The following ZNF804A variants were observed in gnomAD, a reference collection of about 807,000 sequenced individuals.
ZNF804A encodes the protein zinc finger protein 804A.
Under a neutral mutation model 16.5 loss-of-function variants are expected in ZNF804A, and 2 were observed. The ratio of observed to expected loss-of-function variants is 0.12; its 90% CI spans 0.05 to 0.38. The LOEUF is 0.38. Ranked by LOEUF, ZNF804A falls within the 10% of genes least tolerant of loss-of-function variation. The pLI, the probability that ZNF804A is intolerant of heterozygous loss-of-function variation, is 0.99. For missense variants in ZNF804A, 1,473 were observed against 1,390.7 expected, an observed-to-expected ratio of 1.06 and a Z score of -0.94; for synonymous variants, 534 against 489.6, an observed-to-expected ratio of 1.09 and a Z score of -1.20.
chr2:184,741,342 C>G (rs955146127), intron 1 of ZNF804A, among the ~76,000 whole-genome samples: 1 of 152,166 alleles, frequency 6.6e-6, no homozygotes, highest in African/African-American at 2.4e-5. Flanking sequence ...ACTTTCCTGG[C>G]AATGATGTGT....
chr2:184,858,864 T>A (rs1217525392), intron 1 of ZNF804A, among the ~76,000 whole-genome samples: 1 of 152,288 alleles, frequency 6.6e-6, no homozygotes, highest in East Asian at 1.9e-4. Flanking sequence ...AGTTAACCCC[T>A]CAGCTTTTGT....
intron 1 of ZNF804A, among the ~76,000 whole-genome samples, chr2:184,611,203 T>C (rs912167079): frequency 6.6e-6 from 1 of 152,150 alleles, no homozygotes; most frequent in Admixed American, 6.5e-5. Flanking sequence ...GGTGGAGTTC[T>C]CATGACCTAA....
At chr2:184,636,446 TGTGTGTGA>T (rs1331029640) in intron 1 of ZNF804A, among the ~76,000 whole-genome samples, 2 of 137,832 alleles carry the variant, frequency 1.5e-5, no homozygotes, top group African/African-American at 5.3e-5. Flanking sequence ...TGTGTGTGTG[TGTGTGTGA>T]GAGAGAGAGA....
At position 184,912,278 on chromosome 2, in the gene ZNF804A, T is replaced by A. The variant is rs143411434; in HGVS notation, c.256-21325T>A. The stretch of plus-strand genomic sequence containing the variant: ...CCTTTTGTGTCTGGCTTATTTCCCA[T>A]ACAATACAATTTTTTTGTGGTGTAT... On this transcript the variant is annotated intron_variant, in intron 2 of 3. Coordinates refer to ENST00000302277, the MANE Select transcript of ZNF804A (RefSeq NM_194250.2). Among the ~76,000 whole-genome samples, 245 of 152,190 alleles carry A rather than the reference T, an allele frequency of 1.6e-3. 2 individuals are homozygous for A. In the East Asian group the frequency reaches 0.023, roughly 14 times the overall value.
chr2:184,708,326 G>C (rs1200010999), intron 1 of ZNF804A, among the ~76,000 whole-genome samples: 3 of 151,944 alleles, frequency 2.0e-5, no homozygotes, highest in Non-Finnish European at 2.9e-5. Flanking sequence ...CAAAAAAAGA[G>C]CCTGAATAGC....
Position 184,936,785 on chromosome 2 carries a change from C to T in ZNF804A, c.1389C>T (p.Asp463=). Residue 463 remains aspartate, a synonymous_variant, in exon 4 of 4, where the codon GAC becomes GAT. Coordinates refer to ENST00000302277, the MANE Select transcript of ZNF804A (RefSeq NM_194250.2). The stretch of plus-strand genomic sequence containing the variant: ...ATAGCTGTAATCCTCTATGTTTTGA[C>T]TTCAAGTCTACTAAAGTAAATAATA... ...ISYSCNPLCF[D]FKSTKVNNNL... 6.2e-7 allele frequency: 1 copy of T among 1,613,722 alleles called. No homozygotes were observed. Among genetic ancestry groups the T allele is most frequent in the East Asian group, 2.2e-5 (1 of 44,852 alleles).
chr2:184,790,597 A>AT (rs1465643250), intron 1 of ZNF804A, among the ~76,000 whole-genome samples: 8 of 151,482 alleles, frequency 5.3e-5, no homozygotes, highest in Non-Finnish European at 1.2e-4. Context: ...CTTATTATTT[A>AT]TTTTTTATTT....
chr2:184,737,008 G>T (rs1171761983), intron 1 of ZNF804A, among the ~76,000 whole-genome samples: 2 of 149,786 alleles, frequency 1.3e-5, no homozygotes, highest in Non-Finnish European at 3.0e-5. Context: ...TGTAGATGTT[G>T]TTACTTATAT....
intron 1 of ZNF804A, among the ~76,000 whole-genome samples, chr2:184,768,155 A>G (rs1273785793): frequency 6.6e-6 from 1 of 152,106 alleles, no homozygotes; most frequent in Non-Finnish European, 1.5e-5. Context: ...CAATACAGGA[A>G]AACAACTATT....
At chr2:184,687,050 C>T (rs1692648019) in intron 1 of ZNF804A, among the ~76,000 whole-genome samples, 1 of 152,048 alleles carries the variant, frequency 6.6e-6, no homozygotes, top group African/African-American at 2.4e-5. Context: ...TAAATTTTTG[C>T]TTTTGTTGCG....
chr2:184,929,897 G>A (rs1282394597), intron 2 of ZNF804A, among the ~76,000 whole-genome samples: 1 of 152,020 alleles, frequency 6.6e-6, no homozygotes, highest in Non-Finnish European at 1.5e-5. Context: ...GCTGTATTTA[G>A]GATTTTCTTG....
intron 1 of ZNF804A, among the ~76,000 whole-genome samples, chr2:184,712,918 C>T (rs922798571): frequency 6.6e-6 from 1 of 151,676 alleles, no homozygotes. Flanking sequence ...TCATTTTTTT[C>T]TTATCTTATA....
At chr2:184,753,261 G>A (rs1559141941) in intron 1 of ZNF804A, among the ~76,000 whole-genome samples, 1 of 151,582 alleles carries the variant, frequency 6.6e-6, no homozygotes, top group Non-Finnish European at 1.5e-5. Context: ...AAATGAGGCT[G>A]GGGGGCGTTG....
chr2:184,678,277 A>C (rs942777051), intron 1 of ZNF804A, among the ~76,000 whole-genome samples: 2 of 152,064 alleles, frequency 1.3e-5, no homozygotes, highest in Non-Finnish European at 2.9e-5. Context: ...TAATCATGTG[A>C]GTGATTTTTT....
chr2:184,767,104 T>C (rs1420584019), intron 1 of ZNF804A, among the ~76,000 whole-genome samples: 5 of 152,166 alleles, frequency 3.3e-5, no homozygotes, highest in Admixed American at 3.3e-4. Flanking sequence ...TGATCTTGGA[T>C]TTCCGGCCTC....
At chr2:184,813,295 A>G (rs1412844039) in intron 1 of ZNF804A, among the ~76,000 whole-genome samples, 2 of 152,192 alleles carry the variant, frequency 1.3e-5, no homozygotes, top group Non-Finnish European at 2.9e-5. Flanking sequence ...TATTTGAGGA[A>G]GTAATATACG....
intron 1 of ZNF804A, among the ~76,000 whole-genome samples, chr2:184,676,098 G>T (rs1401623736): frequency 6.6e-6 from 1 of 151,624 alleles, no homozygotes; most frequent in Non-Finnish European, 1.5e-5. Flanking sequence ...GTTGGCCATA[G>T]CCATTATAAT....
chr2:184,783,245 G>A (rs1165262340), intron 1 of ZNF804A, among the ~76,000 whole-genome samples: 4 of 146,274 alleles, frequency 2.7e-5, no homozygotes, highest in African/African-American at 7.5e-5. Context: ...CAGCGGGTAG[G>A]CAACAGTATC....
chr2:184,778,190 A>G lies in ZNF804A; in HGVS notation c.112-88179A>G, dbSNP rs558806980. On this transcript the variant is annotated intron_variant, in intron 1 of 3. Transcript: ENST00000302277. ...TGCTTTCCATTAAGAAGCTTTTGACATGCACAAATTTGTTTTATAATGATT... is the reference window on the plus strand; with the variant it reads ...TGCTTTCCATTAAGAAGCTTTTGACGTGCACAAATTTGTTTTATAATGATT... 5.9e-5 allele frequency among the ~76,000 whole-genome samples: 9 copies of G among 151,676 alleles called. No homozygotes were observed. In the East Asian group the frequency reaches 1.8e-3, roughly 30 times the overall value.
Sources: allele counts gnomAD v4.1 joint callset (sites outside exome capture counted in the v4.1 genomes callset), GRCh38; gene constraint gnomAD v4.1.1; transcripts MANE v1.5; gene names NCBI Gene and HGNC (gene_info 2026-07-23, HGNC 2026-07-21).